The following YY1 variants were observed in gnomAD, a reference collection of about 807,000 sequenced individuals.
The protein encoded by YY1 is YY1 transcription factor, also known as transcriptional repressor protein YY1.
In YY1, 2 loss-of-function variants were observed where a neutral mutation model predicts 35.6. The observed-to-expected ratio is 0.06, with a 90% CI of 0.02 to 0.18. The LOEUF is 0.18. YY1 is among the 10% of genes least tolerant of loss of function. YY1 has a pLI of 1.00. For synonymous variants in YY1, 268 were observed against 238.9 expected, an observed-to-expected ratio of 1.12 and a Z score of -1.12; for missense variants, 322 against 573.4, an observed-to-expected ratio of 0.56 and a Z score of 4.48.
At chr14:100,243,455 TC>T (rs1279422316) in intron 1 of YY1, among the ~76,000 whole-genome samples, 2 of 152,164 alleles carry the variant, frequency 1.3e-5, no homozygotes, top group Non-Finnish European at 2.9e-5. Context: ...TACAGGGTAT[TC>T]CCCGAGGGTC....
intron 1 of YY1, among the ~76,000 whole-genome samples, chr14:100,241,454 AAG>A (rs1395088012): frequency 7.2e-5 from 11 of 152,192 alleles, no homozygotes; most frequent in Non-Finnish European, 2.9e-5. Context: ...CTGTGATTGA[AAG>A]AGGCCTGAGC....
At chr14:100,262,184 G>A in intron 1 of YY1, 120 bp from the exon 2 acceptor site, 1 of 1,086,074 alleles carries the variant, frequency 9.2e-7, no homozygotes, top group Non-Finnish European at 1.3e-6. Flanking sequence ...AGGGAGAGGG[G>A]AGAACAAATT....
chr14:100,249,687 T>C (rs1326041272), intron 1 of YY1, among the ~76,000 whole-genome samples: 1 of 151,630 alleles, frequency 6.6e-6, no homozygotes, highest in Non-Finnish European at 1.5e-5. Context: ...GGTTCTGTTT[T>C]AGAAGCAGCA....
At chr14:100,267,058 C>A (rs56874310) in intron 2 of YY1, among the ~76,000 whole-genome samples, 1 of 152,132 alleles carries the variant, frequency 6.6e-6, no homozygotes, top group African/African-American at 2.4e-5. Context: ...AAGGAAAAGT[C>A]AGTTTCATTC....
chr14:100,249,693 C>T (rs907483551), intron 1 of YY1, among the ~76,000 whole-genome samples: 2 of 150,756 alleles, frequency 1.3e-5, no homozygotes, highest in East Asian at 3.9e-4. Flanking sequence ...GTTTTAGAAG[C>T]AGCATGGGCT....
chr14:100,280,469 A>G lies in YY1; in HGVS notation c.*2869A>G, dbSNP rs1237488782. The G allele has an allele frequency of 2.0e-5, 3 of 152,114 alleles. No individual in the cohort carries two copies. Among genetic ancestry groups the G allele is most frequent in the Non-Finnish European group, 4.4e-5 (3 of 68,034 alleles). 9.4% of individuals were successfully genotyped at this position (152,114 alleles called of 1,614,324 possible). Reference sequence around the variant, plus strand: ...TGGTAGTGGAGTTGAGAGGGGGAGCATACTATTTGTATAAAGAACTGTCAC... The same window carrying G: ...TGGTAGTGGAGTTGAGAGGGGGAGCGTACTATTTGTATAAAGAACTGTCAC... On this transcript the variant is annotated 3_prime_UTR_variant, in exon 5 of 5. Transcript: ENST00000262238.
At chr14:100,241,800 C>A (rs1003746174) in intron 1 of YY1, among the ~76,000 whole-genome samples, 1 of 152,034 alleles carries the variant, frequency 6.6e-6, no homozygotes, top group Non-Finnish European at 1.5e-5. Context: ...ATAGTGAAAC[C>A]CCATCTCTAC....
intron 2 of YY1, among the ~76,000 whole-genome samples, chr14:100,269,237 A>G (rs1891198694): frequency 6.6e-6 from 1 of 152,328 alleles, no homozygotes; most frequent in Admixed American, 6.5e-5. Flanking sequence ...CATTTCACAC[A>G]TAGCCAATGG....
intron 2 of YY1, chr14:100,265,452 TG>T (rs902398798): frequency 6.6e-6 from 1 of 152,174 alleles, no homozygotes; most frequent in Non-Finnish European, 1.5e-5. Flanking sequence ...AAACAGACTG[TG>T]TGCTCAGTTG....
At chr14:100,271,288 AT>A (rs1302657201) in intron 2 of YY1, among the ~76,000 whole-genome samples, 1 of 152,086 alleles carries the variant, frequency 6.6e-6, no homozygotes, top group Non-Finnish European at 1.5e-5. Context: ...AAAATAAATA[AT>A]GTTTGAGTGG....
At chr14:100,256,650 T>C (rs761027928) in intron 1 of YY1, among the ~76,000 whole-genome samples, 1 of 152,132 alleles carries the variant, frequency 6.6e-6, no homozygotes, top group Non-Finnish European at 1.5e-5. Flanking sequence ...GGCAAATTCA[T>C]AGAGACAGAA....
chr14:100,239,490 C>G lies in YY1; in HGVS notation c.246C>G (p.Pro82=). The G allele has an allele frequency of 6.2e-7, 1 of 1,608,764 alleles. No individual in the cohort carries two copies. The change falls in exon 1 of 5, where the codon CCC becomes CCG. Residue 82 remains proline (P), a synonymous_variant. Coordinates refer to ENST00000262238, the MANE Select transcript of YY1 (RefSeq NM_003403.5). Reference sequence around the variant, plus strand: ...ACCATCACCACCACCACCACCCGCCCATGATCGCTCTGCAGCCGCTGGTCA... The same window carrying G: ...ACCATCACCACCACCACCACCCGCCGATGATCGCTCTGCAGCCGCTGGTCA... The part of the protein sequence containing the change: ...HHHHHHHHHP[P]MIALQPLVTD...
rs750911704 is a variant in YY1, at chr14:100,276,699, G to C, written c.1062+51G>C. On this transcript the variant is annotated intron_variant, in intron 4 of 4. Transcript: ENST00000262238. This position sits in a 1 kb window ranked among gnomAD's most constrained non-coding sequence, Gnocchi z 4.1. ...ACACTGCCTTGCCTGTCTGAACACTGCAAGTGTAGGTGGTGTGGTGATGAG... is the reference window on the plus strand; with the variant it reads ...ACACTGCCTTGCCTGTCTGAACACTCCAAGTGTAGGTGGTGTGGTGATGAG... 95 of 1,612,224 alleles carry C rather than the reference G, an allele frequency of 5.9e-5. No individual in the cohort carries two copies. The highest frequency in any genetic ancestry group is 7.0e-5 in the Non-Finnish European group (83 of 1,179,238).
At position 100,239,803 on chromosome 14, in the gene YY1, AGCGGCGGGGCCGGCGCGGCGG is replaced by A; in HGVS notation, c.567_587del (p.Ala190_Gly196del). 1 of 1,507,962 alleles carries A rather than the reference AGCGGCGGGGCCGGCGCGGCGG, an allele frequency of 6.6e-7. No individual in the cohort carries two copies. 93.4% of individuals were successfully genotyped at this position (1,507,962 alleles called of 1,614,324 possible). On this transcript the variant is annotated inframe_deletion, in exon 1 of 5. Coordinates refer to ENST00000262238, the MANE Select transcript of YY1 (RefSeq NM_003403.5). ...GAAGAGCGGCAAGAAGAGTTACCTC[AGCGGCGGGGCCGGCGCGGCGG>A]GCGGCGGCGGCGCCGACCCGGGCAA...
chr14:100,274,673 C>T, intron 2 of YY1, 25 bp from the exon 3 acceptor site: 1 of 1,605,842 alleles, frequency 6.2e-7, no homozygotes, highest in Non-Finnish European at 8.5e-7. Context: ...ACAAATCTGT[C>T]TGTCTCTCTT....
intron 1 of YY1, among the ~76,000 whole-genome samples, chr14:100,259,394 C>T (rs1408971732): frequency 1.3e-5 from 2 of 152,136 alleles, no homozygotes; most frequent in Non-Finnish European, 2.9e-5. Flanking sequence ...GTGGTGTGTG[C>T]CTGTAGTCCC....
At position 100,239,496 on chromosome 14, in the gene YY1, C is replaced by T. The variant is rs150552226; in HGVS notation, c.252C>T (p.Ile84=). The change falls in exon 1 of 5, where the codon ATC becomes ATT. Residue 84 remains isoleucine (I), a synonymous_variant. Transcript: ENST00000262238. ...ACCACCACCACCACCCGCCCATGAT[C>T]GCTCTGCAGCCGCTGGTCACCGACG... ...HHHHHHHPPM[I]ALQPLVTDDP... The T allele has an allele frequency of 4.3e-6, 7 of 1,609,246 alleles. No individual in the cohort carries two copies. In the African/African-American group the frequency reaches 8.0e-5, roughly 19 times the overall value.
intron 1 of YY1, among the ~76,000 whole-genome samples, chr14:100,249,356 A>G (rs1034347932): frequency 2.6e-5 from 4 of 151,696 alleles, no homozygotes; most frequent in Admixed American, 2.0e-4. Flanking sequence ...CCTGACCTCA[A>G]GTGATCTGCC....
At chr14:100,275,055 T>G (rs1249616223) in intron 3 of YY1, among the ~76,000 whole-genome samples, 4 of 152,230 alleles carry the variant, frequency 2.6e-5, no homozygotes, top group Non-Finnish European at 4.4e-5. Context: ...TCCTGGGTTG[T>G]GTCTCACCTA....
Sources: gnomAD v4.1 joint callset for allele counts (sites outside exome capture counted in the v4.1 genomes callset) on GRCh38, gnomAD v4.1.1 for gene constraint, Gnocchi (gnomAD v3.1) non-coding constraint, MANE v1.5 for transcripts, NCBI Gene and HGNC (gene_info 2026-07-23, HGNC 2026-07-21) for gene names.